SPTBN1: variants seen among roughly 807,000 people sequenced by gnomAD.
SPTBN1 encodes spectrin beta chain, non-erythrocytic 1.
A neutral mutation model predicts 266.4 loss-of-function variants in SPTBN1; 32 were observed. That is an observed-to-expected ratio of 0.12 (90% confidence interval 0.09 to 0.16). The LOEUF (loss-of-function observed/expected upper bound fraction) is 0.16, where lower values mean the gene tolerates loss of function less well. Ranked by LOEUF, SPTBN1 falls within the 10% of genes least tolerant of loss-of-function variation. The pLI, the probability that SPTBN1 is intolerant of heterozygous loss-of-function variation, is 1.00. For synonymous variants in SPTBN1, 1,336 were observed against 1,162.2 expected (o/e 1.15, Z -3.04); for missense variants, 2,296 against 3,067.1 (o/e 0.75, Z 5.94).
chr2:54,628,137 G>A lies in SPTBN1; in HGVS notation c.1685G>A (p.Gly562Asp), dbSNP rs753086001. The stretch of plus-strand genomic sequence containing the variant: ...CAAGACTATGGCAAACACTTACTTG[G>A]TGTGGAAGACCTGTTACAGAAGCAC... Reference protein sequence around the residue: ...LSQDYGKHLLGVEDLLQKHTL... With the variant: ...LSQDYGKHLLDVEDLLQKHTL... The change falls in exon 13 of 36, where the codon GGT (glycine) becomes GAT (aspartate). Residue 562 changes from glycine to aspartate, a missense_variant. Gly to Asp is a moderately conservative substitution (Grantham distance 94). Coordinates refer to ENST00000356805, the MANE Select transcript of SPTBN1 (RefSeq NM_003128.3). This position sits in a 1 kb window ranked among gnomAD's most constrained non-coding sequence, Gnocchi z 4.3. The A allele has an allele frequency of 1.2e-6, 2 of 1,614,012 alleles. No homozygotes were observed. Among genetic ancestry groups the A allele is most frequent in the African/African-American group, 1.3e-5 (1 of 75,030 alleles).
At chr2:54,486,133 C>G (rs1668368568) in intron 1 of SPTBN1, among the ~76,000 whole-genome samples, 2 of 149,754 alleles carry the variant, frequency 1.3e-5, no homozygotes, top group South Asian at 4.3e-4. Context: ...GCCGCCCCGT[C>G]TGGGAGGTGA....
rs1250387247 is a variant in SPTBN1 at position 54,645,523 on chromosome 2, C to T, written c.4494+70C>T. On this transcript the variant is annotated intron_variant, in intron 21 of 35. Coordinates refer to ENST00000356805, the MANE Select transcript of SPTBN1 (RefSeq NM_003128.3). This position sits in a 1 kb window ranked among gnomAD's most constrained non-coding sequence, Gnocchi z 4.3. ...TTGCCTGTGCTAAAGCCCACATTCTCACTTCTCAGTCATCCTCACCTTGGG... is the reference window on the plus strand; with the variant it reads ...TTGCCTGTGCTAAAGCCCACATTCTTACTTCTCAGTCATCCTCACCTTGGG... 3 of 1,515,138 alleles carry T rather than the reference C, an allele frequency of 2.0e-6. No homozygotes were observed. The Admixed American group carries it at 5.6e-5, about 28-fold the overall frequency. The allele number at this position is 1,515,138 out of a possible 1,614,324, so 93.9% of individuals were successfully genotyped here. A position where few individuals can be genotyped will look rare whatever the true frequency, so the allele number is the denominator to read the frequency against.
chr2:54,643,685 G>A (rs1336872754), intron 19 of SPTBN1, among the ~76,000 whole-genome samples: 3 of 151,816 alleles, frequency 2.0e-5, no homozygotes, highest in Non-Finnish European at 4.4e-5. Flanking sequence ...GATTCTTCAC[G>A]GTTAAAATAA....
chr2:54,622,403 A>G lies in SPTBN1; in HGVS notation c.980A>G (p.Asn327Ser), dbSNP rs113726088. 3.1e-6 allele frequency: 5 copies of G among 1,614,198 alleles called. No homozygotes were observed. Among genetic ancestry groups the G allele is most frequent in the Non-Finnish European group, 3.4e-6 (4 of 1,180,034 alleles). ...GAACAAACCATCATCATTCTGAACA[A>G]TCGCAAATTTGCCAATTCACTGGTC... ...WIEQTIIILN[N>S]RKFANSLVGV... The change falls in exon 9 of 36, where the codon AAT (asparagine) becomes AGT (serine). Residue 327 changes from asparagine (N) to serine (S), a missense_variant. Asn to Ser is a conservative substitution (Grantham distance 46). Coordinates refer to ENST00000356805, the MANE Select transcript of SPTBN1 (RefSeq NM_003128.3).
chr2:54,635,180 G>A (rs895517847), intron 17 of SPTBN1, among the ~76,000 whole-genome samples: 3 of 152,176 alleles, frequency 2.0e-5, no homozygotes, highest in Non-Finnish European at 4.4e-5. Flanking sequence ...CTTTAAGACT[G>A]TGGAAACTAC....
intron 2 of SPTBN1, among the ~76,000 whole-genome samples, chr2:54,587,799 A>C (rs903549553): frequency 6.6e-6 from 1 of 152,134 alleles, no homozygotes; most frequent in African/African-American, 2.4e-5. Context: ...GGCACACTCC[A>C]TCCCGTAAGT....
chr2:54,616,023 T>G (rs1451200747), intron 4 of SPTBN1, among the ~76,000 whole-genome samples, 184 bp from the exon 5 acceptor site: 1 of 152,132 alleles, frequency 6.6e-6, no homozygotes, highest in African/African-American at 2.4e-5. Context: ...GAAAATGTAG[T>G]TTTCGTTGTG....
intron 1 of SPTBN1, among the ~76,000 whole-genome samples, chr2:54,465,637 C>CATGTATATATATATA (rs1433073794): frequency 1.1e-5 from 1 of 89,724 alleles, no homozygotes; most frequent in South Asian, 3.4e-4. Flanking sequence ...TCATGTTTAT[C>CATGTATATATATATA]TCATATATAT....
intron 17 of SPTBN1, among the ~76,000 whole-genome samples, chr2:54,634,107 A>G (rs1267142039): frequency 6.6e-6 from 1 of 152,218 alleles, no homozygotes; most frequent in African/African-American, 2.4e-5. Flanking sequence ...AGTATTTTGT[A>G]AATAAGATAT....
At chr2:54,470,830 C>A (rs573399096) in intron 1 of SPTBN1, among the ~76,000 whole-genome samples, 1 of 152,246 alleles carries the variant, frequency 6.6e-6, no homozygotes, top group African/African-American at 2.4e-5. Context: ...GTTCTTTTCG[C>A]AGAGTTAATG....
chr2:54,648,871 T>G, intron 24 of SPTBN1, 115 bp from the exon 25 acceptor site: 1 of 1,043,446 alleles, frequency 9.6e-7, no homozygotes, highest in South Asian at 1.9e-5. Flanking sequence ...CAGAGTTTCC[T>G]TTGAGAAATA....
chr2:54,585,073 A>G (rs1026875458), intron 2 of SPTBN1, among the ~76,000 whole-genome samples: 6 of 152,226 alleles, frequency 3.9e-5, no homozygotes, highest in African/African-American at 7.2e-5. Flanking sequence ...TTAATAGAAC[A>G]ACAGAAAAAT....
intron 2 of SPTBN1, among the ~76,000 whole-genome samples, chr2:54,549,028 C>T (rs557809477): frequency 2.2e-4 from 34 of 152,174 alleles, no homozygotes; most frequent in South Asian, 8.3e-4. Context: ...TGGCTGGGCA[C>T]GGTGGCTCAC....
chr2:54,461,848 GT>G (rs1175940094), intron 1 of SPTBN1, among the ~76,000 whole-genome samples: 4 of 151,638 alleles, frequency 2.6e-5, no homozygotes, highest in Non-Finnish European at 2.9e-5. Context: ...CTCAGCTTGT[GT>G]TTTTTTTCTT....
In SPTBN1 at chr2:54,594,833, C is replaced by CTTTTTTTTTTTTTT. The variant is rs71408777; in HGVS notation, c.149-4254_149-4241dup. On this transcript the variant is annotated intron_variant, in intron 2 of 35. Transcript: ENST00000356805. The stretch of plus-strand genomic sequence containing the variant: ...GATTCCATGACCCTCTGGTAAGTTT[C>CTTTTTTTTTTTTTT]TTTTTTTTTTTTTTTTTTGAGACAG... Among the ~76,000 whole-genome samples the CTTTTTTTTTTTTTT allele has an allele frequency of 2.6e-4, 27 of 104,672 alleles. 2 individuals are homozygous for CTTTTTTTTTTTTTT. Among genetic ancestry groups the CTTTTTTTTTTTTTT allele is most frequent in the African/African-American group, 6.1e-4 (12 of 19,768 alleles). The allele number at this position is 104,672 out of a possible 152,430, so 68.7% of individuals were successfully genotyped here. A position where few individuals can be genotyped will look rare whatever the true frequency, so the allele number is the denominator to read the frequency against.
At chr2:54,586,083 T>C (rs544702698) in intron 2 of SPTBN1, among the ~76,000 whole-genome samples, 2 of 152,228 alleles carry the variant, frequency 1.3e-5, no homozygotes, top group South Asian at 2.1e-4. Context: ...TATAAAATTA[T>C]ACATTTTGTT....
intron 2 of SPTBN1, among the ~76,000 whole-genome samples, chr2:54,560,191 G>T (rs1164704401): frequency 6.9e-6 from 1 of 145,034 alleles, no homozygotes; most frequent in Admixed American, 6.8e-5. Context: ...TTGGGGTGGG[G>T]GGGGGCGTTC....
rs138792091 is a variant in SPTBN1 at position 54,460,023 on chromosome 2, T to C, written c.-48+3505T>C. On this transcript the variant is annotated intron_variant, in intron 1 of 35. Transcript: ENST00000356805. ...ATACCTGTGTTTCTATTTTTAAACA[T>C]CTCTGGAGAAGGCATTTTCATAATG... Among the ~76,000 whole-genome samples, 6 of 152,346 alleles carry C rather than the reference T, an allele frequency of 3.9e-5. No individual in the cohort carries two copies. In the East Asian group the frequency reaches 7.7e-4, roughly 20 times the overall value.
In SPTBN1 at chr2:54,526,424, G is replaced by A. The variant is rs202076219; in HGVS notation, c.6G>A (p.Thr2=). M[T]TTVATDYDNI... ...AGCAGCTGAGACAGTTCAAGATGAC[G>A]ACCACAGTAGCCACAGACTATGACA... Residue 2 remains threonine, a synonymous_variant, in exon 2 of 36, where the codon ACG becomes ACA. Coordinates refer to ENST00000356805, the MANE Select transcript of SPTBN1 (RefSeq NM_003128.3). The A allele has an allele frequency of 1.1e-5, 17 of 1,613,880 alleles. No individual in the cohort carries two copies. Among genetic ancestry groups the A allele is most frequent in the African/African-American group, 8.0e-5 (6 of 74,930 alleles).
Sources: allele counts gnomAD v4.1 joint callset (sites outside exome capture counted in the v4.1 genomes callset), GRCh38; gene constraint gnomAD v4.1.1; non-coding constraint Gnocchi (gnomAD v3.1); transcripts MANE v1.5; gene names NCBI Gene and HGNC (gene_info 2026-07-23, HGNC 2026-07-21).